Variants in SLC7A2 observed in about 807,000 individuals in gnomAD.
SLC7A2 encodes solute carrier family 7 member 2, also known as cationic amino acid transporter 2.
Under a neutral mutation model 58.9 loss-of-function variants are expected in SLC7A2, and 48 were observed. That is an observed-to-expected ratio of 0.82 (90% CI 0.65 to 1.04). The LOEUF is 1.04. Among genes scored for constraint, SLC7A2 ranks in the 50% least tolerant of loss-of-function variants. SLC7A2 has a pLI of 0.00. For missense variants in SLC7A2, 1,029 were observed against 818.8 expected (o/e 1.26, Z -3.13); for synonymous variants, 363 against 314.5 (o/e 1.15, Z -1.63).
At chr8:17,543,242 T>G in intron 2 of SLC7A2, 76 bp from the exon 3 acceptor site, 2 of 1,334,498 alleles carry the variant, frequency 1.5e-6, no homozygotes, top group Non-Finnish European at 2.1e-6. Context: ...ATACTCTAAT[T>G]GTGCCTGGAA....
At chr8:17,536,925 C>T (rs184904470) in intron 2 of SLC7A2, among the ~76,000 whole-genome samples, 2 of 152,282 alleles carry the variant, frequency 1.3e-5, no homozygotes, top group Admixed American at 6.5e-5. Context: ...TCTTGCACAC[C>T]CAGCGTTAGA....
chr8:17,537,548 T>G (rs1801724809), intron 2 of SLC7A2, among the ~76,000 whole-genome samples: 1 of 152,162 alleles, frequency 6.6e-6, no homozygotes, highest in South Asian at 2.1e-4. Context: ...TCTGGTCCAG[T>G]GATCCTTGGC....
Position 17,565,093 on chromosome 8 carries a change from C to T in SLC7A2, c.1924C>T (p.Pro642Ser), listed in dbSNP as rs151179886. 2.4e-4 allele frequency: 382 copies of T among 1,613,818 alleles called. No individual in the cohort carries two copies. In the African/African-American group the frequency reaches 4.7e-3, roughly 20 times the overall value. ...KSAIQANDHH[P>S]RNLSSPFIFH... ...TGCCATTCAAGCAAATGACCATCAC[C>T]CAAGAAATCTCAGTTCACCTTTCAT... The change falls in exon 13 of 13, where the codon CCA becomes TCA. Residue 642 changes from proline to serine, a missense_variant. By Grantham distance (74) the Pro-to-Ser change is moderately conservative (BLOSUM62 -1). Coordinates refer to ENST00000494857, the MANE Select transcript of SLC7A2 (RefSeq NM_001370338.1).
intron 4 of SLC7A2, among the ~76,000 whole-genome samples, chr8:17,547,531 T>C (rs117852695): frequency 0.015 from 2,288 of 152,262 alleles, 51 homozygotes; most frequent in South Asian, 0.1. Flanking sequence ...CCAGAGAATA[T>C]TTTGATAATA....
chr8:17,536,053 C>T (rs1448431822), intron 2 of SLC7A2, among the ~76,000 whole-genome samples: 1 of 151,734 alleles, frequency 6.6e-6, no homozygotes, highest in East Asian at 1.9e-4. Flanking sequence ...ATATCCTTTC[C>T]TCCATTACAT....
intron 2 of SLC7A2, among the ~76,000 whole-genome samples, chr8:17,518,637 G>GC (rs1800894662): frequency 1.4e-5 from 2 of 141,130 alleles, no homozygotes; most frequent in Non-Finnish European, 3.1e-5. Flanking sequence ...AAAACCATTA[G>GC]CAAAAGACAA....
intron 2 of SLC7A2, among the ~76,000 whole-genome samples, chr8:17,504,061 T>A (rs1232647706): frequency 6.6e-6 from 1 of 152,128 alleles, no homozygotes; most frequent in Non-Finnish European, 1.5e-5. Context: ...CCAAGCAAAG[T>A]GAGATTTCGA....
intron 2 of SLC7A2, among the ~76,000 whole-genome samples, chr8:17,503,059 T>G (rs1800226436): frequency 6.6e-6 from 1 of 152,108 alleles, no homozygotes. Context: ...TATTTTATTT[T>G]ATTTTTTTTG....
chr8:17,531,629 G>A (rs1563453887), intron 2 of SLC7A2, among the ~76,000 whole-genome samples: 1 of 151,784 alleles, frequency 6.6e-6, no homozygotes, highest in Non-Finnish European at 1.5e-5. Flanking sequence ...AAATTTTATA[G>A]TAACTTAAGC....
chr8:17,514,263 TA>T (rs548585727), intron 2 of SLC7A2, among the ~76,000 whole-genome samples: 59 of 148,918 alleles, frequency 4.0e-4, no homozygotes, highest in Admixed American at 2.2e-3. Context: ...AGGAATCAAT[TA>T]AAAAAAAAAT....
At chr8:17,512,809 C>G (rs1050127730) in intron 2 of SLC7A2, among the ~76,000 whole-genome samples, 9 of 152,256 alleles carry the variant, frequency 5.9e-5, no homozygotes, top group African/African-American at 1.9e-4. Context: ...CCCTTCCGCC[C>G]TGGCCAACCA....
intron 4 of SLC7A2, among the ~76,000 whole-genome samples, chr8:17,547,808 G>GTGTGTA (rs1279386601): frequency 6.7e-6 from 1 of 149,598 alleles, no homozygotes; most frequent in Non-Finnish European, 1.5e-5. Flanking sequence ...GTGTGTGTGT[G>GTGTGTA]TGTGTGTGTG....
intron 2 of SLC7A2, among the ~76,000 whole-genome samples, chr8:17,508,211 G>C (rs1173749473): frequency 6.6e-6 from 1 of 152,072 alleles, no homozygotes; most frequent in Non-Finnish European, 1.5e-5. Context: ...GAAAATTCCT[G>C]TTGATAGTGC....
At chr8:17,509,032 A>G (rs1421581901) in intron 2 of SLC7A2, among the ~76,000 whole-genome samples, 3 of 152,124 alleles carry the variant, frequency 2.0e-5, no homozygotes, top group African/African-American at 7.2e-5. Flanking sequence ...GGCGAATGAT[A>G]TTACTAAAGT....
intron 7 of SLC7A2, among the ~76,000 whole-genome samples, chr8:17,554,274 A>T (rs539387243): frequency 2.0e-5 from 3 of 152,290 alleles, no homozygotes; most frequent in Admixed American, 2.0e-4. Context: ...TTTGGTAATA[A>T]TTGTGGGTAC....
In SLC7A2 at chr8:17,551,897, A is replaced by C. The variant is rs767147544; in HGVS notation, c.966A>C (p.Lys322Asn). 6.2e-7 allele frequency: 1 copy of C among 1,613,874 alleles called. No homozygotes were observed. The change falls in exon 7 of 13, where the codon AAA becomes AAC. Residue 322 changes from lysine to asparagine, a missense_variant. Transcript: ENST00000494857. ...TGCCGTACTACCTCCTCGATGAAAA[A>C]AGCCCCCTTCCTGTAGCGTTTGAAT... ...LMMPYYLLDE[K>N]SPLPVAFEYV...
intron 4 of SLC7A2, among the ~76,000 whole-genome samples, chr8:17,544,942 A>G (rs1026075709): frequency 1.1e-4 from 16 of 152,258 alleles, no homozygotes; most frequent in Non-Finnish European, 2.2e-4. Context: ...ATTTCTTGGC[A>G]TTATTTCATC....
intron 7 of SLC7A2, among the ~76,000 whole-genome samples, chr8:17,553,970 A>G (rs1387354261): frequency 6.6e-6 from 1 of 152,176 alleles, no homozygotes; most frequent in Non-Finnish European, 1.5e-5. Flanking sequence ...ACATCTGTAT[A>G]CTACATTTAC....
chr8:17,503,546 CTGACAAAAATTCAAA>C (rs1800251578), intron 2 of SLC7A2, among the ~76,000 whole-genome samples: 1 of 151,784 alleles, frequency 6.6e-6, no homozygotes, highest in Admixed American at 6.6e-5. Context: ...GGTACTTGTC[CTGACAAAAATTCAAA>C]TGGCAACTCT....
Sources: allele counts gnomAD v4.1 joint callset (sites outside exome capture counted in the v4.1 genomes callset), GRCh38; gene constraint gnomAD v4.1.1; transcripts MANE v1.5; gene names NCBI Gene and HGNC (gene_info 2026-07-23, HGNC 2026-07-21).